Variants in MIB1 observed in about 807,000 individuals in gnomAD.
The protein encoded by MIB1 is E3 ubiquitin-protein ligase MIB1.
A neutral mutation model predicts 124.5 loss-of-function variants in MIB1; 278 were observed. The observed-to-expected ratio is 2.23, with a 90% CI of 2.02 to 2.47. MIB1 has a LOEUF of 2.47. Ranked by LOEUF, MIB1 falls within the 30% of genes most tolerant of loss-of-function variation. The pLI is 0.00. For synonymous variants in MIB1, 446 were observed against 429.4 expected (o/e 1.04, Z -0.48); for missense variants, 957 against 1,254.4 (o/e 0.76, Z 3.58).
intron 6 of MIB1, among the ~76,000 whole-genome samples, chr18:21,784,283 G>T (rs1292266887): frequency 6.7e-6 from 1 of 149,888 alleles, no homozygotes; most frequent in Non-Finnish European, 1.5e-5. Flanking sequence ...TCCTGACCTC[G>T]TAATCCGCCC....
chr18:21,789,898 A>C (rs952663450), intron 6 of MIB1, among the ~76,000 whole-genome samples: 1 of 152,248 alleles, frequency 6.6e-6, no homozygotes, highest in Non-Finnish European at 1.5e-5. Flanking sequence ...ATATTGTAGA[A>C]ACTTACTTGA....
At position 21,803,963 on chromosome 18, in the gene MIB1, T is replaced by C; in HGVS notation, c.1428T>C (p.His476=). 6.2e-7 allele frequency: 1 copy of C among 1,613,838 alleles called. No homozygotes were observed. The highest frequency in any genetic ancestry group is 8.5e-7 in the Non-Finnish European group (1 of 1,179,858). The change falls in exon 10 of 21, where the codon CAT becomes CAC. Residue 476 remains histidine (H), a synonymous_variant. Transcript: ENST00000261537. ...TAMQAASQNG[H]VDILKLLLKQ... Reference sequence around the variant, plus strand: ...TGCAAGCTGCTAGTCAGAATGGACATGTTGACATTTTGAAGTTACTTTTGA... The same window carrying C: ...TGCAAGCTGCTAGTCAGAATGGACACGTTGACATTTTGAAGTTACTTTTGA...
chr18:21,802,358 A>G (rs917250272), intron 9 of MIB1, among the ~76,000 whole-genome samples: 1 of 151,884 alleles, frequency 6.6e-6, no homozygotes, highest in African/African-American at 2.4e-5. Flanking sequence ...TGGACTATTC[A>G]TCGAATTTTC....
intron 10 of MIB1, among the ~76,000 whole-genome samples, chr18:21,811,126 A>G (rs1460726348): frequency 6.6e-6 from 1 of 152,184 alleles, no homozygotes; most frequent in African/African-American, 2.4e-5. Flanking sequence ...AAGATGTTTA[A>G]CGTCACTAAT....
chr18:21,738,298 T>G (rs1203965802), upstream of MIB1, among the ~76,000 whole-genome samples: 4 of 152,218 alleles, frequency 2.6e-5, 1 homozygote, highest in East Asian at 7.7e-4. Flanking sequence ...CACAGCTACA[T>G]GGAAACTGAA....
intron 1 of MIB1, among the ~76,000 whole-genome samples, chr18:21,732,098 G>A (rs1462080659): frequency 6.6e-6 from 1 of 151,884 alleles, no homozygotes; most frequent in African/African-American, 2.4e-5. Context: ...GGCTAAGGCA[G>A]GCAGATCACT....
At chr18:21,858,052 C>T (rs996396438) in intron 19 of MIB1, among the ~76,000 whole-genome samples, 4 of 152,186 alleles carry the variant, frequency 2.6e-5, no homozygotes, top group East Asian at 1.9e-4. Context: ...TCTTGAGTTC[C>T]TCATCTCAGA....
chr18:21,784,511 GAATAGTTAT>G (rs2041411261), intron 6 of MIB1, among the ~76,000 whole-genome samples: 4 of 152,104 alleles, frequency 2.6e-5, no homozygotes, highest in African/African-American at 9.7e-5. Flanking sequence ...TATAGAATAA[GAATAGTTAT>G]AATAGTTATA....
chr18:21,742,415 C>T (rs180991763), intron 1 of MIB1, among the ~76,000 whole-genome samples: 1 of 151,920 alleles, frequency 6.6e-6, no homozygotes, highest in African/African-American at 2.4e-5. Flanking sequence ...AGAAAAACAT[C>T]CTGAGCTCTT....
intron 1 of MIB1, among the ~76,000 whole-genome samples, chr18:21,706,839 C>A (rs1414396888): frequency 6.6e-6 from 1 of 152,214 alleles, no homozygotes; most frequent in Non-Finnish European, 1.5e-5. Flanking sequence ...AAGCCTCCCC[C>A]ACGAGCGCTG....
chr18:21,791,192 A>C, intron 6 of MIB1, 182 bp from the exon 7 acceptor site: 1 of 458,592 alleles, frequency 2.2e-6, no homozygotes, highest in Admixed American at 4.3e-5. Context: ...AAAAAAAAAA[A>C]AACAAAACAG....
chr18:21,817,229 A>G (rs1367783410), intron 11 of MIB1, among the ~76,000 whole-genome samples: 2 of 131,412 alleles, frequency 1.5e-5, no homozygotes, highest in Non-Finnish European at 3.0e-5. Context: ...TGGCGTGATC[A>G]TGGCTCATTG....
chr18:21,768,399 G>A (rs984452610), intron 2 of MIB1, among the ~76,000 whole-genome samples: 2 of 152,090 alleles, frequency 1.3e-5, no homozygotes, highest in African/African-American at 4.8e-5. Flanking sequence ...TATAATAAAA[G>A]CTTAGTAAAA....
upstream of MIB1, among the ~76,000 whole-genome samples, chr18:21,739,158 C>T (rs187859056): frequency 3.3e-5 from 5 of 152,248 alleles, no homozygotes; most frequent in East Asian, 7.7e-4. Flanking sequence ...ACTATAAAAA[C>T]TTCTACGCAA....
intron 1 of MIB1, among the ~76,000 whole-genome samples, chr18:21,721,971 C>G (rs756926161): frequency 6.6e-6 from 1 of 152,108 alleles, no homozygotes; most frequent in Non-Finnish European, 1.5e-5. Flanking sequence ...GTTCTAGAAT[C>G]TAATTCAGGG....
intron 6 of MIB1, among the ~76,000 whole-genome samples, chr18:21,781,742 T>C (rs2146429875): frequency 6.6e-6 from 1 of 152,152 alleles, no homozygotes; most frequent in East Asian, 1.9e-4. Context: ...GTCTCAATCT[T>C]GGTAGGTTGT....
chr18:21,825,592 A>G, intron 12 of MIB1: 1 of 448,364 alleles, frequency 2.2e-6, no homozygotes, highest in Non-Finnish European at 4.6e-6. Context: ...AATTAACAGT[A>G]ACAAGTTATT....
At chr18:21,729,320 A>G (rs915931240) in intron 1 of MIB1, among the ~76,000 whole-genome samples, 6 of 152,166 alleles carry the variant, frequency 3.9e-5, no homozygotes, top group African/African-American at 1.2e-4. Flanking sequence ...ATTTATAAAC[A>G]ATAGAAATTT....
chr18:21,850,643 A>G (rs762307602), intron 17 of MIB1, among the ~76,000 whole-genome samples: 6 of 152,188 alleles, frequency 3.9e-5, no homozygotes, highest in Non-Finnish European at 7.4e-5. Flanking sequence ...GTATGTATGT[A>G]GCTGCTTGAT....
Sources: gnomAD v4.1 joint callset for allele counts (sites outside exome capture counted in the v4.1 genomes callset) on GRCh38, gnomAD v4.1.1 for gene constraint, MANE v1.5 for transcripts, NCBI Gene and HGNC (gene_info 2026-07-23, HGNC 2026-07-21) for gene names.